Variants in NRXN3 observed in about 807,000 individuals in gnomAD.
The protein encoded by NRXN3 is neurexin 3.
Under a neutral mutation model 137.6 loss-of-function variants are expected in NRXN3, and 32 were observed. That is an observed-to-expected ratio of 0.23 (90% CI 0.18 to 0.31). NRXN3 has a LOEUF of 0.31. NRXN3 is among the 10% of genes least tolerant of loss of function. NRXN3 has a pLI of 1.00. For missense variants in NRXN3, 1,574 were observed against 2,062.5 expected, an observed-to-expected ratio of 0.76 and a Z score of 4.59; for synonymous variants, 798 against 784.5, an observed-to-expected ratio of 1.02 and a Z score of -0.29.
chr14:78,518,718 C>A (rs1193895090), intron 4 of NRXN3, among the ~76,000 whole-genome samples: 1 of 152,138 alleles, frequency 6.6e-6, no homozygotes, highest in Non-Finnish European at 1.5e-5. Context: ...TTTTCTTCTG[C>A]TATAAAATGG....
At chr14:78,514,833 T>G (rs901476691) in intron 4 of NRXN3, among the ~76,000 whole-genome samples, 1 of 152,094 alleles carries the variant, frequency 6.6e-6, no homozygotes, top group Non-Finnish European at 1.5e-5. Context: ...TTGGGTGATA[T>G]TTAAGCTGAG....
intron 10 of NRXN3, among the ~76,000 whole-genome samples, chr14:78,849,756 AC>A (rs2099037620): frequency 6.6e-6 from 1 of 152,074 alleles, no homozygotes; most frequent in Non-Finnish European, 1.5e-5. Flanking sequence ...TAATACTGTT[AC>A]CCAGAGCCAA....
chr14:79,404,739 C>T (rs965048357), intron 15 of NRXN3, among the ~76,000 whole-genome samples: 7 of 152,130 alleles, frequency 4.6e-5, no homozygotes, highest in Non-Finnish European at 7.4e-5. Flanking sequence ...GGCTGTGAGA[C>T]GTGTGCTTGG....
intron 16 of NRXN3, among the ~76,000 whole-genome samples, chr14:79,609,309 T>A (rs951453476): frequency 3.3e-5 from 5 of 152,108 alleles, no homozygotes; most frequent in African/African-American, 1.2e-4. Context: ...CTTACCACAG[T>A]CACAAAACCA....
At chr14:79,453,407 A>G (rs2096208667) in intron 15 of NRXN3, among the ~76,000 whole-genome samples, 1 of 152,280 alleles carries the variant, frequency 6.6e-6, no homozygotes, top group African/African-American at 2.4e-5. Context: ...TCATGTAAGC[A>G]TTATGATTAC....
intron 15 of NRXN3, among the ~76,000 whole-genome samples, chr14:79,061,660 T>G (rs1239756534): frequency 6.6e-6 from 1 of 152,202 alleles, no homozygotes; most frequent in African/African-American, 2.4e-5. Context: ...CCTGCTTTTT[T>G]GAGGACATCC....
intron 15 of NRXN3, among the ~76,000 whole-genome samples, chr14:79,215,436 C>T (rs1490554966): frequency 1.3e-5 from 2 of 152,010 alleles, no homozygotes; most frequent in Non-Finnish European, 2.9e-5. Flanking sequence ...TTTCACACTG[C>T]TGATACAACT....
intron 8 of NRXN3, among the ~76,000 whole-genome samples, chr14:78,725,995 C>T (rs2098481468): frequency 6.6e-6 from 1 of 152,232 alleles, no homozygotes; most frequent in Admixed American, 6.5e-5. Context: ...CCCAAGAATA[C>T]GTTGAGGTGA....
Position 79,532,010 on chromosome 14 carries a change from A to C in NRXN3, c.3444+64608A>C, listed in dbSNP as rs534727942. Among the ~76,000 whole-genome samples the C allele has an allele frequency of 5.3e-5, 8 of 152,270 alleles. No homozygotes were observed. In the East Asian group the frequency reaches 1.5e-3, roughly 29 times the overall value. ...TTAGATTTGGAGGAAATTCTGAGCA[A>C]TGTTCCGTGATCAGGGGTGAAAAGT... On this transcript the variant is annotated intron_variant, in intron 16 of 20. Coordinates refer to ENST00000335750, the MANE Select transcript of NRXN3 (RefSeq NM_001330195.2).
At chr14:79,711,661 C>T (rs1309773255) in intron 19 of NRXN3, among the ~76,000 whole-genome samples, 4 of 152,240 alleles carry the variant, frequency 2.6e-5, no homozygotes, top group East Asian at 3.9e-4. Flanking sequence ...CCTAGATATC[C>T]CCTTTGGGGA....
At chr14:78,840,478 T>A (rs2099009264) in intron 10 of NRXN3, among the ~76,000 whole-genome samples, 1 of 152,190 alleles carries the variant, frequency 6.6e-6, no homozygotes, top group Admixed American at 6.5e-5. Context: ...ATAGTCAGAA[T>A]AGGTTAGGCT....
rs1367974295 is a variant in NRXN3 at position 79,866,332 on chromosome 14, C to CA, written c.*4374dup. 6.6e-6 allele frequency: 1 copy of CA among 151,730 alleles called. No homozygotes were observed. Among genetic ancestry groups the CA allele is most frequent in the Non-Finnish European group, 1.5e-5 (1 of 67,918 alleles). 9.4% of individuals were successfully genotyped at this position (151,730 alleles called of 1,614,324 possible). On this transcript the variant is annotated 3_prime_UTR_variant, in exon 21 of 21. Coordinates refer to ENST00000335750, the MANE Select transcript of NRXN3 (RefSeq NM_001330195.2). ...GAGCTTATCATCTAGTAAAGATGAACAAAAAATGGTACTATAGTGAATGCA... is the reference window on the plus strand; with the variant it reads ...GAGCTTATCATCTAGTAAAGATGAACAAAAAAATGGTACTATAGTGAATGCA...
At chr14:79,812,389 G>A (rs1233822217) in intron 20 of NRXN3, among the ~76,000 whole-genome samples, 1 of 151,958 alleles carries the variant, frequency 6.6e-6, no homozygotes, top group Non-Finnish European at 1.5e-5. Context: ...TATAATAAGA[G>A]GAATAAAAGG....
intron 16 of NRXN3, among the ~76,000 whole-genome samples, chr14:79,558,688 A>G (rs531157956): frequency 6.6e-6 from 1 of 152,120 alleles, no homozygotes; most frequent in African/African-American, 2.4e-5. Context: ...ATTTATCACA[A>G]TTCTTAAGGG....
chr14:78,734,323 G>A (rs2098531732), intron 8 of NRXN3, among the ~76,000 whole-genome samples: 1 of 151,406 alleles, frequency 6.6e-6, no homozygotes, highest in Non-Finnish European at 1.5e-5. Flanking sequence ...TTGGATGCAA[G>A]ATGAAAAGAA....
chr14:78,946,113 G>A (rs931985792), intron 10 of NRXN3, among the ~76,000 whole-genome samples: 4 of 152,210 alleles, frequency 2.6e-5, no homozygotes, highest in African/African-American at 4.8e-5. Context: ...ATTGACGTGA[G>A]TATTAAGTAA....
At chr14:78,330,802 A>G (rs1451973461) in intron 4 of NRXN3, among the ~76,000 whole-genome samples, 1 of 152,162 alleles carries the variant, frequency 6.6e-6, no homozygotes, top group Non-Finnish European at 1.5e-5. Flanking sequence ...GTAATTATAC[A>G]CTTATGTAAT....
intron 4 of NRXN3, among the ~76,000 whole-genome samples, chr14:78,538,188 A>G (rs1464965326): frequency 6.6e-6 from 1 of 152,174 alleles, no homozygotes; most frequent in Non-Finnish European, 1.5e-5. Context: ...CATTGAATCT[A>G]TAAATTACTT....
chr14:79,709,187 G>GTACC (rs1294365104), intron 19 of NRXN3, among the ~76,000 whole-genome samples: 1 of 152,168 alleles, frequency 6.6e-6, no homozygotes, highest in African/African-American at 2.4e-5. Flanking sequence ...GCAGATATGT[G>GTACC]TACCTCACTA....
Sources: allele counts gnomAD v4.1 joint callset (sites outside exome capture counted in the v4.1 genomes callset), GRCh38; gene constraint gnomAD v4.1.1; transcripts MANE v1.5; gene names NCBI Gene and HGNC (gene_info 2026-07-23, HGNC 2026-07-21).